Variants in RAB33A observed in about 807,000 individuals in gnomAD.
RAB33A encodes the protein RAB33A, member RAS oncogene family.
Under a neutral mutation model 12.0 loss-of-function variants are expected in RAB33A, and 6 were observed. That is an observed-to-expected ratio of 0.50 (90% CI 0.27 to 0.99). The LOEUF is 0.99. Ranked by LOEUF, RAB33A falls within the 50% of genes least tolerant of loss-of-function variation. The pLI, the probability that RAB33A is intolerant of heterozygous loss-of-function variation, is 0.11. For missense variants in RAB33A, 109 were observed against 192.0 expected, an observed-to-expected ratio of 0.57 and a Z score of 2.55; for synonymous variants, 70 against 82.4, an observed-to-expected ratio of 0.85 and a Z score of 0.81.
At chrX:130,138,896 A>G in the RAB33A span, among the ~76,000 whole-genome samples, 2 of 112,023 alleles carry the variant, frequency 1.8e-5, no homozygotes, top group Non-Finnish European at 3.8e-5. Context: ...AGTGGTTCTC[A>G]ATTGGTGGCA....
Position 130,184,748 on chromosome X carries a change from C to A in RAB33A, c.*8C>A, listed in dbSNP as rs201209219. The A allele has an allele frequency of 8.4e-7, 1 of 1,197,440 alleles. No individual in the cohort carries two copies. The highest frequency in any genetic ancestry group is 1.1e-6 in the Non-Finnish European group (1 of 885,370). The stretch of plus-strand genomic sequence containing the variant: ...ACTTCCTGTCCTTGTTGAAACCAAA[C>A]GATATAAATACAAGATAAATTATCA... On this transcript the variant is annotated 3_prime_UTR_variant, in exon 2 of 2. Coordinates refer to ENST00000257017, the MANE Select transcript of RAB33A (RefSeq NM_004794.3).
the RAB33A span, among the ~76,000 whole-genome samples, chrX:130,140,254 A>G: frequency 8.9e-6 from 1 of 112,231 alleles, no homozygotes; most frequent in African/African-American, 3.2e-5. Context: ...CACAAACGAC[A>G]TCACTTTCAA....
the RAB33A span, chrX:130,155,203 A>G: frequency 1.2e-5 from 15 of 1,211,457 alleles, no homozygotes; most frequent in South Asian, 2.1e-4. Context: ...ATTAAGAAGT[A>G]CACTAGGTTG....
the RAB33A span, chrX:130,137,534 G>C: frequency 2.8e-5 from 32 of 1,163,430 alleles, no homozygotes; most frequent in Middle Eastern, 4.6e-4. Context: ...ATCTGAAAAA[G>C]AACATTAAGA....
Position 130,172,252 on chromosome X carries a change from A to G in RAB33A, c.190A>G (p.Lys64Glu), listed in dbSNP as rs767429040. Reference protein sequence around the residue: ...FRFCGGTFPDKTEATIGVDFR... With the variant: ...FRFCGGTFPDETEATIGVDFR... ...CTTCTGCGGGGGTACCTTCCCAGAC[A>G]AGACTGAAGCCACCATCGGCGTGGA... is the stretch of plus-strand genomic sequence containing the variant. Residue 64 changes from lysine to glutamate, a missense_variant, in exon 1 of 2, where the codon AAG (lysine) becomes GAG (glutamate). Coordinates refer to ENST00000257017, the MANE Select transcript of RAB33A (RefSeq NM_004794.3). 10 of 1,210,783 alleles carry G rather than the reference A, an allele frequency of 8.3e-6. No individual in the cohort carries two copies. In the African/African-American group the frequency reaches 1.2e-4, roughly 15 times the overall value.
the RAB33A span, among the ~76,000 whole-genome samples, chrX:130,143,672 A>G: frequency 2.0e-5 from 2 of 100,854 alleles, no homozygotes; most frequent in East Asian, 5.9e-4. Context: ...CCTACATGGT[A>G]AAACCCCATC....
the RAB33A span, among the ~76,000 whole-genome samples, chrX:130,166,309 C>T: frequency 1.8e-5 from 2 of 111,503 alleles, no homozygotes; most frequent in East Asian, 5.6e-4. Flanking sequence ...AACCCGTTTC[C>T]TGGACAAGTA....
chrX:130,135,077 T>C, the RAB33A span, among the ~76,000 whole-genome samples: 1 of 108,858 alleles, frequency 9.2e-6, no homozygotes, highest in Admixed American at 9.9e-5. Flanking sequence ...ATTGACCACA[T>C]ATTACTTTTT....
chrX:130,138,338 G>A, the RAB33A span, among the ~76,000 whole-genome samples: 5 of 110,710 alleles, frequency 4.5e-5, no homozygotes, highest in East Asian at 2.8e-4. Flanking sequence ...GGTTACAGGC[G>A]CCTGTAGTCC....
chrX:130,130,071 C>A, the RAB33A span: 1 of 1,211,824 alleles, frequency 8.3e-7, no homozygotes, highest in Non-Finnish European at 1.1e-6. Context: ...TAGTCCTCCC[C>A]CTGGACGGGA....
the RAB33A span, chrX:130,165,408 G>A: frequency 5.5e-6 from 3 of 543,227 alleles, no homozygotes; most frequent in Non-Finnish European, 9.7e-6. Context: ...GCAAGACTCA[G>A]GGTTCGGAGT....
chrX:130,169,414 C>A (rs963374221), upstream of RAB33A, among the ~76,000 whole-genome samples: 1 of 111,372 alleles, frequency 9.0e-6, no homozygotes, highest in Non-Finnish European at 1.9e-5. Context: ...CCTATGAAAA[C>A]AACTGCATGT....
chrX:130,149,432 A>T, the RAB33A span: 1 of 1,095,894 alleles, frequency 9.1e-7, no homozygotes, highest in Non-Finnish European at 1.3e-6. Flanking sequence ...TCCCTTTGTG[A>T]GTCTCAAATC....
the RAB33A span, among the ~76,000 whole-genome samples, chrX:130,124,297 A>C: frequency 5.7e-4 from 64 of 112,199 alleles, no homozygotes; most frequent in Non-Finnish European, 1.0e-3. Flanking sequence ...ACTATGGCAT[A>C]CATTAGTTGC....
the RAB33A span, among the ~76,000 whole-genome samples, chrX:130,157,964 A>AAAAAG: frequency 9.6e-6 from 1 of 103,834 alleles, no homozygotes; most frequent in African/African-American, 3.6e-5. Context: ...AAAAAAAAAA[A>AAAAAG]AAAAGAAAAG....
chrX:130,163,594 G>A, the RAB33A span, among the ~76,000 whole-genome samples: 1 of 112,008 alleles, frequency 8.9e-6, no homozygotes, highest in Non-Finnish European at 1.9e-5. Flanking sequence ...TATGCAAAGA[G>A]ATGGATGGAT....
upstream of RAB33A, among the ~76,000 whole-genome samples, chrX:130,169,015 G>C (rs568919546): frequency 3.6e-5 from 4 of 110,055 alleles, no homozygotes; most frequent in South Asian, 1.6e-3. Flanking sequence ...AGACCAGCCT[G>C]GCTAACACAG....
chrX:130,114,486 A>C, the RAB33A span, among the ~76,000 whole-genome samples: 1 of 112,335 alleles, frequency 8.9e-6, no homozygotes, highest in African/African-American at 3.2e-5. Flanking sequence ...AGCCAGGCTG[A>C]GATCACCACT....
At chrX:130,183,938 G>A (rs1178713024) in intron 1 of RAB33A, among the ~76,000 whole-genome samples, 2 of 111,326 alleles carry the variant, frequency 1.8e-5, no homozygotes. Context: ...TGCCCAGGCT[G>A]GAGTGCAATG....
Sources: allele counts gnomAD v4.1 joint callset (sites outside exome capture counted in the v4.1 genomes callset), GRCh38; gene constraint gnomAD v4.1.1; transcripts MANE v1.5; gene names NCBI Gene and HGNC (gene_info 2026-07-23, HGNC 2026-07-21).